Variants in ZSCAN4 observed in about 807,000 individuals in gnomAD.
The protein encoded by ZSCAN4 is zinc finger and SCAN domain-containing protein 4.
ZSCAN4 carries 18 observed loss-of-function variants against 18.3 expected under a neutral mutation model. The observed-to-expected ratio is 0.98, with a 90% CI of 0.68 to 1.46. The LOEUF (loss-of-function observed/expected upper bound fraction) is 1.46, where lower values mean the gene tolerates loss of function less well. Among genes scored for constraint, ZSCAN4 ranks in the 40% most tolerant of loss-of-function variants. ZSCAN4 has a pLI of 0.00. For missense variants in ZSCAN4, 498 were observed against 511.4 expected (o/e 0.97, Z 0.25); for synonymous variants, 193 against 180.3 (o/e 1.07, Z -0.57).
At chr19:57,665,340 C>G (rs562684137), upstream of ZSCAN4, among the ~76,000 whole-genome samples, 293 of 152,240 alleles carry the variant, frequency 1.9e-3, 1 homozygote, top group Non-Finnish European at 3.4e-3. Flanking sequence ...GGCGGTTCTT[C>G]CCATCCCAGC....
the ZSCAN4 span, among the ~76,000 whole-genome samples, chr19:57,658,189 T>G: frequency 6.6e-6 from 1 of 152,166 alleles, no homozygotes; most frequent in Non-Finnish European, 1.5e-5. Flanking sequence ...AAAACATTAA[T>G]CTGAATCTCA....
the ZSCAN4 span, among the ~76,000 whole-genome samples, chr19:57,660,278 C>G: frequency 2.0e-5 from 3 of 152,204 alleles, no homozygotes; most frequent in Non-Finnish European, 4.4e-5. Flanking sequence ...GCTGAGAAAA[C>G]TAGACACACA....
At chr19:57,668,656 G>A (rs1392912377), upstream of ZSCAN4, among the ~76,000 whole-genome samples, 1 of 152,140 alleles carries the variant, frequency 6.6e-6, no homozygotes, top group East Asian at 1.9e-4. Flanking sequence ...AGAGTGCAGG[G>A]AAGAAGGCAC....
intron 2 of ZSCAN4, among the ~76,000 whole-genome samples, chr19:57,674,084 T>G (rs1984105474): frequency 6.6e-6 from 1 of 152,224 alleles, no homozygotes; most frequent in Non-Finnish European, 1.5e-5. Flanking sequence ...CTGCTTGTGA[T>G]AACACAATAT....
chr19:57,656,010 G>T, the ZSCAN4 span, among the ~76,000 whole-genome samples: 1 of 152,190 alleles, frequency 6.6e-6, no homozygotes, highest in South Asian at 2.1e-4. Flanking sequence ...AGGAAAAAGG[G>T]TCAATATTTA....
chr19:57,678,891 C>G, exon 5 of ZSCAN4: 1 of 1,594,646 alleles, frequency 6.3e-7, no homozygotes, highest in Non-Finnish European at 8.5e-7. Flanking sequence ...TCCCTCCACA[C>G]CAGAAGCTTC....
At chr19:57,676,613 T>C (rs1188029777) in intron 3 of ZSCAN4, 72 bp downstream of exon 3, 1 of 1,508,702 alleles carries the variant, frequency 6.6e-7, no homozygotes, top group African/African-American at 1.4e-5. Flanking sequence ...TCAGTTAGAG[T>C]TGTCTGGAAG....
At chr19:57,657,434 C>T in the ZSCAN4 span, among the ~76,000 whole-genome samples, 1 of 152,198 alleles carries the variant, frequency 6.6e-6, no homozygotes, top group Non-Finnish European at 1.5e-5. Flanking sequence ...GATACCACTA[C>T]ATACTCATTT....
rs1279091044 is a variant in ZSCAN4, at chr19:57,668,995, A to G, written c.-637A>G. 4.6e-5 allele frequency: 7 copies of G among 151,634 alleles called. No homozygotes were observed. The highest frequency in any genetic ancestry group is 1.7e-4 in the African/African-American group (7 of 41,296). The allele number at this position is 151,634 out of a possible 1,614,324, so 9.4% of individuals were successfully genotyped here. ...TTGAGCAAAAGTTTGTCATGTTTCTATGAGTAATTTATAATAAAACTTGAT... is the reference window on the plus strand; with the variant it reads ...TTGAGCAAAAGTTTGTCATGTTTCTGTGAGTAATTTATAATAAAACTTGAT... On this transcript the variant is annotated 5_prime_UTR_variant, in exon 1 of 5. It removes an upstream start codon present in the reference 5' UTR. Transcript: ENST00000318203.
At chr19:57,651,621 G>A in the ZSCAN4 span, among the ~76,000 whole-genome samples, 1 of 152,150 alleles carries the variant, frequency 6.6e-6, no homozygotes, top group Non-Finnish European at 1.5e-5. Context: ...TCTCCATTCC[G>A]TTCCTTCTCC....
chr19:57,673,749 GATTATT>G (rs201203110), intron 2 of ZSCAN4, among the ~76,000 whole-genome samples: 7 of 151,436 alleles, frequency 4.6e-5, no homozygotes, highest in South Asian at 2.1e-4. Flanking sequence ...TGATGATGAT[GATTATT>G]ATTATTATTA....
At chr19:57,653,420 C>T in the ZSCAN4 span, among the ~76,000 whole-genome samples, 4 of 147,444 alleles carry the variant, frequency 2.7e-5, no homozygotes, top group African/African-American at 5.3e-5. Context: ...AAAGAAAATC[C>T]TGCTCTTTTT....
At chr19:57,677,218 A>T (rs1984213688) in intron 3 of ZSCAN4, among the ~76,000 whole-genome samples, 1 of 152,216 alleles carries the variant, frequency 6.6e-6, no homozygotes, top group Non-Finnish European at 1.5e-5. Context: ...TATTTGCAAA[A>T]TTGCTAAAAT....
At chr19:57,656,762 C>T in the ZSCAN4 span, among the ~76,000 whole-genome samples, 1 of 152,194 alleles carries the variant, frequency 6.6e-6, no homozygotes, top group African/African-American at 2.4e-5. Flanking sequence ...ATAAACAACA[C>T]AATTTAAAAA....
chr19:57,672,493 T>C (rs1010271328), intron 2 of ZSCAN4, among the ~76,000 whole-genome samples: 1 of 152,196 alleles, frequency 6.6e-6, no homozygotes, highest in South Asian at 2.1e-4. Flanking sequence ...ACAAAGATTG[T>C]ATATATTTAA....
At chr19:57,676,635 A>G in intron 3 of ZSCAN4, 94 bp downstream of exon 3, 1 of 1,386,628 alleles carries the variant, frequency 7.2e-7, no homozygotes, top group Non-Finnish European at 9.8e-7. Context: ...TAGAGAAGCT[A>G]TTGGAGGTCC....
At chr19:57,678,943 G>A (rs1984280432) in exon 5 of ZSCAN4, 1 of 1,524,478 alleles carries the variant, frequency 6.6e-7, no homozygotes, top group Non-Finnish European at 8.8e-7. Flanking sequence ...ATGTATGCAA[G>A]TATGTATATT....
the ZSCAN4 span, among the ~76,000 whole-genome samples, chr19:57,656,096 C>T: frequency 6.6e-6 from 1 of 152,124 alleles, no homozygotes; most frequent in East Asian, 1.9e-4. Context: ...TTCTTAGTAC[C>T]AAAGGGACCT....
chr19:57,653,010 T>C, the ZSCAN4 span, among the ~76,000 whole-genome samples: 6 of 152,028 alleles, frequency 3.9e-5, no homozygotes, highest in Non-Finnish European at 5.9e-5. Flanking sequence ...CATAACCCAG[T>C]TGGGGCCTTC....
Sources: allele counts gnomAD v4.1 joint callset (sites outside exome capture counted in the v4.1 genomes callset), GRCh38; gene constraint gnomAD v4.1.1; transcripts MANE v1.5; gene names NCBI Gene and HGNC (gene_info 2026-07-23, HGNC 2026-07-21).